Variants in PPP1R13B observed in about 807,000 individuals in gnomAD.
PPP1R13B encodes the protein protein phosphatase 1 regulatory subunit 13B, also known as apoptosis-stimulating of p53 protein 1.
A neutral mutation model predicts 119.8 loss-of-function variants in PPP1R13B; 44 were observed. The ratio of observed to expected loss-of-function variants is 0.37; its 90% CI spans 0.29 to 0.47. The LOEUF (loss-of-function observed/expected upper bound fraction) is 0.47, where lower values mean the gene tolerates loss of function less well. Among genes scored for constraint, PPP1R13B ranks in the 20% least tolerant of loss-of-function variants. The pLI, the probability that PPP1R13B is intolerant of heterozygous loss-of-function variation, is 0.99. For synonymous variants in PPP1R13B, 542 were observed against 561.5 expected (o/e 0.97, Z 0.49); for missense variants, 1,227 against 1,413.5 (o/e 0.87, Z 2.12).
chr14:103,770,983 T>C (rs1003786801), intron 4 of PPP1R13B, among the ~76,000 whole-genome samples: 1 of 152,182 alleles, frequency 6.6e-6, no homozygotes, highest in Admixed American at 6.5e-5. Context: ...CTCATTCCAT[T>C]GTGGAGAGTC....
intron 15 of PPP1R13B, 37 bp downstream of exon 15, chr14:103,737,657 G>C: frequency 3.7e-6 from 6 of 1,602,682 alleles, no homozygotes; most frequent in Non-Finnish European, 5.1e-6. Flanking sequence ...TACCACAGCA[G>C]ACAGCACCAC....
chr14:103,788,001 G>A (rs1012790095), intron 2 of PPP1R13B, among the ~76,000 whole-genome samples: 4 of 151,574 alleles, frequency 2.6e-5, no homozygotes, highest in African/African-American at 7.3e-5. Context: ...TAGTCCCAGC[G>A]ACTAGAGAGG....
Position 103,797,449 on chromosome 14 carries a change from T to A in PPP1R13B, c.79A>T (p.Thr27Ser), listed in dbSNP as rs368940198. Residue 27 changes from threonine (T) to serine (S), a missense_variant, in exon 2 of 17, where the codon ACC becomes TCC. By Grantham distance (58) the Thr-to-Ser change is moderately conservative. Transcript: ENST00000202556. The stretch of plus-strand genomic sequence containing the variant: ...CAAAATTCTACAACATCTCGACAGG[T>A]TGTTTCCGGTGTTATAGGAACTTCT... Reference protein sequence around the residue: ...LTEVPITPETTCRDVVEFCKE... With the variant: ...LTEVPITPETSCRDVVEFCKE... The A allele has an allele frequency of 6.2e-7, 1 of 1,613,980 alleles. No homozygotes were observed. Among genetic ancestry groups the A allele is most frequent in the South Asian group, 1.1e-5 (1 of 91,082 alleles).
chr14:103,822,951 T>G lies in PPP1R13B; in HGVS notation c.9+24348A>C, dbSNP rs112846654. Among the ~76,000 whole-genome samples the G allele has an allele frequency of 1.9e-3, 293 of 152,300 alleles. 1 individual carries two copies. Among genetic ancestry groups the G allele is most frequent in the African/African-American group, 6.8e-3 (282 of 41,566 alleles). ...TGGAGAAGCAGACTCAAGAGATGCT[T>G]GACACCTTGCTGGGGATCAGAATCT... On this transcript the variant is annotated intron_variant, in intron 1 of 16. Coordinates refer to ENST00000202556, the MANE Select transcript of PPP1R13B (RefSeq NM_015316.3).
intron 1 of PPP1R13B, among the ~76,000 whole-genome samples, chr14:103,832,632 T>C (rs2086686368): frequency 2.0e-5 from 3 of 152,182 alleles, no homozygotes; most frequent in Non-Finnish European, 2.9e-5. Context: ...AGGTATCAAT[T>C]TTAACTTAAA....
intron 1 of PPP1R13B, among the ~76,000 whole-genome samples, chr14:103,800,360 A>AT (rs1054186770): frequency 4.0e-5 from 6 of 151,710 alleles, no homozygotes; most frequent in East Asian, 1.9e-4. Context: ...TGTTGTTAAG[A>AT]TTTTTTTTTC....
chr14:103,795,619 A>G (rs1017944027), intron 2 of PPP1R13B, among the ~76,000 whole-genome samples: 18 of 152,226 alleles, frequency 1.2e-4, no homozygotes, highest in Admixed American at 4.6e-4. Context: ...ATGAGGAATT[A>G]GAATTGATAA....
At chr14:103,838,824 GGGTCAA>G (rs760493278) in intron 1 of PPP1R13B, among the ~76,000 whole-genome samples, 6 of 152,132 alleles carry the variant, frequency 3.9e-5, no homozygotes, top group Non-Finnish European at 8.8e-5. Context: ...GGTAAGTGAG[GGGTCAA>G]GTAACTTTAA....
chr14:103,744,702 G>A (rs1436929866), intron 9 of PPP1R13B, among the ~76,000 whole-genome samples: 1 of 152,312 alleles, frequency 6.6e-6, no homozygotes, highest in Non-Finnish European at 1.5e-5. Context: ...GTCACTCTGG[G>A]TTTACTGTGG....
At chr14:103,737,939 A>C (rs2084155060) in intron 14 of PPP1R13B, 79 bp from the exon 15 acceptor site, 5 of 1,454,740 alleles carry the variant, frequency 3.4e-6, no homozygotes, top group Non-Finnish European at 4.6e-6. Flanking sequence ...TTTCCCTCTA[A>C]GGAATCTCGC....
chr14:103,740,665 AC>A lies in PPP1R13B; in HGVS notation c.1823-73del. 7.8e-7 allele frequency: 1 copy of A among 1,279,106 alleles called. No individual in the cohort carries two copies. Among genetic ancestry groups the A allele is most frequent in the Non-Finnish European group, 1.0e-6 (1 of 976,912 alleles). The allele number at this position is 1,279,106 out of a possible 1,614,324, so 79.2% of individuals were successfully genotyped here. On this transcript the variant is annotated intron_variant, in intron 11 of 16. Transcript: ENST00000202556. The surrounding 1 kb of genome is among the most constrained non-coding windows in gnomAD (Gnocchi z 4.6). ...TCTAGTCATACACACCTATGATTACACCAGAGACAGGCTCCTGCAAAGACAC... is the reference window on the plus strand; with the variant it reads ...TCTAGTCATACACACCTATGATTACACAGAGACAGGCTCCTGCAAAGACAC...
At chr14:103,805,807 T>C (rs1223919413) in intron 1 of PPP1R13B, among the ~76,000 whole-genome samples, 1 of 152,186 alleles carries the variant, frequency 6.6e-6, no homozygotes, top group Non-Finnish European at 1.5e-5. Context: ...TCCATTTATA[T>C]GAAATGCCCA....
At chr14:103,791,554 G>A (rs908539108) in intron 2 of PPP1R13B, among the ~76,000 whole-genome samples, 5 of 152,032 alleles carry the variant, frequency 3.3e-5, no homozygotes, top group Non-Finnish European at 5.9e-5. Flanking sequence ...GTGAAATCCC[G>A]TCTCTACTAA....
At chr14:103,811,814 T>G (rs537749450) in intron 1 of PPP1R13B, among the ~76,000 whole-genome samples, 2 of 151,982 alleles carry the variant, frequency 1.3e-5, no homozygotes, top group Non-Finnish European at 2.9e-5. Context: ...CCCAGCACTT[T>G]GGGAGGCCAA....
chr14:103,738,770 G>A lies in PPP1R13B; in HGVS notation c.2773C>T (p.Leu925=), dbSNP rs373551611. The A allele has an allele frequency of 1.4e-5, 22 of 1,614,116 alleles. No individual in the cohort carries two copies. The highest frequency in any genetic ancestry group is 1.8e-5 in the Non-Finnish European group (21 of 1,180,050). ...TGGCCGGCGCAGACGGCGTTGTGCA[G>A]TGGGGTGATCCCTTCGTCGTTGGGC... ...SKPNDEGITP[L]HNAVCAGHHH... Residue 925 remains leucine, a synonymous_variant, in exon 14 of 17, where the codon CTG becomes TTG. Coordinates refer to ENST00000202556, the MANE Select transcript of PPP1R13B (RefSeq NM_015316.3). This position sits in a 1 kb window ranked among gnomAD's most constrained non-coding sequence, Gnocchi z 5.6.
intron 4 of PPP1R13B, among the ~76,000 whole-genome samples, chr14:103,768,978 C>T (rs2085001737): frequency 6.6e-6 from 1 of 152,192 alleles, no homozygotes; most frequent in Admixed American, 6.5e-5. Context: ...AGTATCTTAT[C>T]TTGTAATTTA....
intron 1 of PPP1R13B, among the ~76,000 whole-genome samples, chr14:103,805,331 G>C (rs776466290): frequency 2.0e-5 from 3 of 152,086 alleles, no homozygotes; most frequent in South Asian, 2.1e-4. Context: ...AGAACTTTGG[G>C]AGGCCAACGG....
At chr14:103,768,382 C>T (rs747299021) in intron 4 of PPP1R13B, among the ~76,000 whole-genome samples, 5 of 152,118 alleles carry the variant, frequency 3.3e-5, no homozygotes, top group Admixed American at 1.3e-4. Context: ...CTGCAACCTC[C>T]GCCTCCCAGG....
intron 1 of PPP1R13B, among the ~76,000 whole-genome samples, chr14:103,822,219 C>T (rs1350066813): frequency 6.6e-6 from 1 of 152,006 alleles, no homozygotes; most frequent in Admixed American, 6.6e-5. Context: ...ACTGCAACCT[C>T]CGCCTCCTGG....
Sources: allele counts gnomAD v4.1 joint callset (sites outside exome capture counted in the v4.1 genomes callset), GRCh38; gene constraint gnomAD v4.1.1; non-coding constraint Gnocchi (gnomAD v3.1); transcripts MANE v1.5; gene names NCBI Gene and HGNC (gene_info 2026-07-23, HGNC 2026-07-21).